Variants in GADL1 observed in about 807,000 individuals in gnomAD.
The protein encoded by GADL1 is GAD like acidic amino acid decarboxylase 1.
Under a neutral mutation model 69.5 loss-of-function variants are expected in GADL1, and 71 were observed. The ratio of observed to expected loss-of-function variants is 1.02; its 90% confidence interval spans 0.84 to 1.25. The LOEUF is 1.25. Among genes scored for constraint, GADL1 ranks in the 50% most tolerant of loss-of-function variants. The pLI, the probability that GADL1 is intolerant of heterozygous loss-of-function variation, is 0.00. For missense variants in GADL1, 737 were observed against 631.8 expected (o/e 1.17, Z -1.79); for synonymous variants, 254 against 214.4 (o/e 1.18, Z -1.62).
chr3:30,839,079 C>G lies in GADL1; in HGVS notation c.821G>C (p.Gly274Ala). The change falls in exon 9 of 15, where the codon GGT becomes GCT. Residue 274 changes from glycine (G) to alanine (A), a missense_variant. Physicochemically the swap from Gly to Ala is moderately conservative, Grantham distance 60 (BLOSUM62 0). Coordinates refer to ENST00000282538, the MANE Select transcript of GADL1 (RefSeq NM_207359.3). Reference sequence around the variant, plus strand: ...GTCAAAAGCTCCCAACACAGTTGTACCAGAAGTGGCACAGACAAGAAACGG... The same window carrying G: ...GTCAAAAGCTCCCAACACAGTTGTAGCAGAAGTGGCACAGACAAGAAACGG... ...AAPFLVCATS[G>A]TTVLGAFDPL... The G allele has an allele frequency of 3.7e-6, 6 of 1,603,820 alleles. No individual in the cohort carries two copies. Among genetic ancestry groups the G allele is most frequent in the Non-Finnish European group, 5.1e-6 (6 of 1,175,410 alleles).
At chr3:30,834,308 C>A (rs772562995) in intron 9 of GADL1, 27 bp from the exon 10 acceptor site, 2 of 1,590,302 alleles carry the variant, frequency 1.3e-6, no homozygotes, top group African/African-American at 2.7e-5. Context: ...AGTACCAGAA[C>A]AATGTTATTT....
At chr3:30,734,959 G>C (rs1364281437) in intron 14 of GADL1, among the ~76,000 whole-genome samples, 1 of 152,142 alleles carries the variant, frequency 6.6e-6, no homozygotes, top group Non-Finnish European at 1.5e-5. Context: ...GTAAAGAGGG[G>C]AAAATAATAG....
chr3:30,791,071 G>T (rs551613352), intron 12 of GADL1, among the ~76,000 whole-genome samples: 3 of 151,898 alleles, frequency 2.0e-5, no homozygotes, highest in Non-Finnish European at 2.9e-5. Flanking sequence ...GTTTACCTGA[G>T]GGAGGGGGAA....
chr3:30,882,690 T>C (rs1369226758), intron 1 of GADL1, among the ~76,000 whole-genome samples: 1 of 152,016 alleles, frequency 6.6e-6, no homozygotes, highest in Non-Finnish European at 1.5e-5. Context: ...AGAAGTAGAA[T>C]TGCTGGATAT....
intron 14 of GADL1, among the ~76,000 whole-genome samples, chr3:30,755,126 T>TGG (rs1178240154): frequency 6.8e-6 from 1 of 147,872 alleles, no homozygotes; most frequent in South Asian, 2.1e-4. Flanking sequence ...AAAGCTGACT[T>TGG]GGGACTCTAT....
chr3:30,859,407 A>C (rs540456492), intron 2 of GADL1, among the ~76,000 whole-genome samples: 1 of 152,082 alleles, frequency 6.6e-6, no homozygotes, highest in African/African-American at 2.4e-5. Flanking sequence ...GAGGGTAAAC[A>C]GCAAGACTCA....
intron 14 of GADL1, among the ~76,000 whole-genome samples, chr3:30,734,658 G>A (rs1350536272): frequency 1.3e-5 from 2 of 152,100 alleles, no homozygotes; most frequent in East Asian, 3.9e-4. Context: ...TCTTTAAAAT[G>A]TATTAAACGG....
chr3:30,809,022 G>A (rs959459244), intron 11 of GADL1, among the ~76,000 whole-genome samples: 2 of 152,162 alleles, frequency 1.3e-5, no homozygotes, highest in South Asian at 4.1e-4. Flanking sequence ...CAACTCTACT[G>A]TAAGAGCTAT....
intron 11 of GADL1, among the ~76,000 whole-genome samples, chr3:30,819,806 C>A (rs896287561): frequency 3.3e-5 from 5 of 151,742 alleles, no homozygotes. Flanking sequence ...AAGGACATGG[C>A]ATATATTATG....
chr3:30,848,661 G>GA (rs1305101045), intron 6 of GADL1, among the ~76,000 whole-genome samples: 1 of 152,088 alleles, frequency 6.6e-6, no homozygotes, highest in Non-Finnish European at 1.5e-5. Context: ...ATAGGAAAGG[G>GA]AAAAAATCTC....
At chr3:30,774,881 TGAA>T (rs1401605527) in intron 14 of GADL1, among the ~76,000 whole-genome samples, 2 of 151,774 alleles carry the variant, frequency 1.3e-5, no homozygotes, top group Admixed American at 6.6e-5. Flanking sequence ...AAGAGTGACA[TGAA>T]GAAGCAGAGA....
chr3:30,757,457 G>GAA (rs890454999), intron 14 of GADL1, among the ~76,000 whole-genome samples: 11 of 152,202 alleles, frequency 7.2e-5, no homozygotes, highest in Non-Finnish European at 2.9e-5. Flanking sequence ...ACATGAAAGG[G>GAA]AAACCAGTTA....
intron 1 of GADL1, among the ~76,000 whole-genome samples, chr3:30,879,888 A>G (rs554212124): frequency 6.6e-6 from 1 of 151,914 alleles, no homozygotes; most frequent in African/African-American, 2.4e-5. Flanking sequence ...GCCCAAGGCA[A>G]TAGTCGGAAT....
In GADL1 at chr3:30,844,269, G is replaced by A; in HGVS notation, c.732-5C>T. 1 of 1,610,532 alleles carries A rather than the reference G, an allele frequency of 6.2e-7. No homozygotes were observed. Among genetic ancestry groups the A allele is most frequent in the Non-Finnish European group, 8.5e-7 (1 of 1,178,170 alleles). The stretch of plus-strand genomic sequence containing the variant: ...TCCTCAGGTATCATTTTACCTCTAA[G>A]GGACAAAGATTTGAGACTTTCAGTT... On this transcript the variant is annotated splice_polypyrimidine_tract_variant and splice_region_variant and intron_variant, in intron 7 of 14. Transcript: ENST00000282538.
chr3:30,795,956 TAATTC>T (rs897447206), intron 12 of GADL1, among the ~76,000 whole-genome samples: 69 of 152,360 alleles, frequency 4.5e-4, no homozygotes, highest in African/African-American at 1.6e-3. Flanking sequence ...ACTAAAATGT[TAATTC>T]AATTCAACTT....
intron 14 of GADL1, among the ~76,000 whole-genome samples, chr3:30,774,768 AATATT>A (rs1174606140): frequency 3.3e-5 from 5 of 152,136 alleles, no homozygotes; most frequent in African/African-American, 1.2e-4. Context: ...TATTCTCCTA[AATATT>A]ATATTTACTA....
Position 30,787,063 on chromosome 3 carries a change from A to G in GADL1, c.1251-657T>C, listed in dbSNP as rs1044024441. 5.9e-5 allele frequency among the ~76,000 whole-genome samples: 9 copies of G among 152,164 alleles called. No homozygotes were observed. The South Asian group carries it at 1.5e-3, about 25-fold the overall frequency. On this transcript the variant is annotated intron_variant, in intron 12 of 14. Coordinates refer to ENST00000282538, the MANE Select transcript of GADL1 (RefSeq NM_207359.3). ...GCCTGTCAGGGGAGGATGAGGGGAGAGTATTAGGGAAAAGAGCTAATGCAT... is the reference window on the plus strand; with the variant it reads ...GCCTGTCAGGGGAGGATGAGGGGAGGGTATTAGGGAAAAGAGCTAATGCAT...
chr3:30,737,178 C>G (rs994824585), intron 14 of GADL1, among the ~76,000 whole-genome samples: 1 of 152,048 alleles, frequency 6.6e-6, no homozygotes, highest in African/African-American at 2.4e-5. Context: ...TACCAGGCCA[C>G]CCAAATGCTC....
At chr3:30,805,504 G>GT (rs1257165198) in intron 11 of GADL1, among the ~76,000 whole-genome samples, 1 of 152,112 alleles carries the variant, frequency 6.6e-6, no homozygotes, top group Non-Finnish European at 1.5e-5. Flanking sequence ...GTAATATCCT[G>GT]TTTTTAAAGC....
Sources: allele counts gnomAD v4.1 joint callset (sites outside exome capture counted in the v4.1 genomes callset), GRCh38; gene constraint gnomAD v4.1.1; transcripts MANE v1.5; gene names NCBI Gene and HGNC (gene_info 2026-07-23, HGNC 2026-07-21).